Variants in TPMT observed in about 807,000 individuals in gnomAD.
TPMT encodes S-adenosyl-L-methionine:thiopurine S-methyltransferase.
A neutral mutation model predicts 34.2 loss-of-function variants in TPMT; 18 were observed. The observed-to-expected ratio is 0.53, with a 90% CI of 0.36 to 0.78. The LOEUF (loss-of-function observed/expected upper bound fraction) is 0.78, where lower values mean the gene tolerates loss of function less well. TPMT is among the 30% of genes least tolerant of loss of function. The pLI is 0.00. For missense variants in TPMT, 265 were observed against 288.1 expected (o/e 0.92, Z 0.58); for synonymous variants, 69 against 92.4 (o/e 0.75, Z 1.45).
At position 18,130,905 on chromosome 6, in the gene TPMT, G is replaced by A. The variant is rs1296580823; in HGVS notation, c.626-125C>T. The A allele has an allele frequency of 2.9e-5, 20 of 684,732 alleles. No homozygotes were observed. Among genetic ancestry groups the A allele is most frequent in the Admixed American group, 2.8e-4 (13 of 46,666 alleles). The allele number at this position is 684,732 out of a possible 1,614,324, so 42.4% of individuals were successfully genotyped here. A position where few individuals can be genotyped will look rare whatever the true frequency, so the allele number is the denominator to read the frequency against. On this transcript the variant is annotated intron_variant, in intron 8 of 8. Coordinates refer to ENST00000309983, the MANE Select transcript of TPMT (RefSeq NM_000367.5). The surrounding 1 kb of genome is among the most constrained non-coding windows in gnomAD (Gnocchi z 4.2). Reference sequence around the variant, plus strand: ...TGTAATCCCAACACTTTGGGAGGCCGAGGCAGGTGGATCACTTGAGGTCAG... The same window carrying A: ...TGTAATCCCAACACTTTGGGAGGCCAAGGCAGGTGGATCACTTGAGGTCAG...
chr6:18,134,751 G>T (rs1784012140), intron 6 of TPMT, among the ~76,000 whole-genome samples: 1 of 152,226 alleles, frequency 6.6e-6, no homozygotes, highest in South Asian at 2.1e-4. Context: ...ATTGTATGGT[G>T]GTTGGAGCAA....
Position 18,133,816 on chromosome 6 carries a change from T to C in TPMT, c.568A>G (p.Thr190Ala). 6.2e-7 allele frequency: 1 copy of C among 1,603,720 alleles called. No individual in the cohort carries two copies. The change falls in exon 7 of 9, where the codon ACT (threonine) becomes GCT (alanine). Residue 190 changes from threonine to alanine, a missense_variant. By Grantham distance (58) the Thr-to-Ala change is moderately conservative (BLOSUM62 0). Transcript: ENST00000309983. ...CCAACAACTTTACCTGGATGTTTAG[T>C]TGGATCATAAGAAAGAACACACAGG... ...YLLCVLSYDPTKHPGPPFYVP... is the reference protein window; with the variant it reads ...YLLCVLSYDPAKHPGPPFYVP...
At position 18,154,884 on chromosome 6, in the gene TPMT, T is replaced by A. The variant is rs1784454137; in HGVS notation, c.-45+149A>T. ...CTGTCCGACCTCGTTATTCCCAGTT[T>A]CCGCTTCTGCCCTGAACCCCACTTC... is the stretch of plus-strand genomic sequence containing the variant. On this transcript the variant is annotated intron_variant, in intron 1 of 8. Transcript: ENST00000309983. The surrounding 1 kb of genome is among the most constrained non-coding windows in gnomAD (Gnocchi z 4.2). 6.6e-6 allele frequency: 1 copy of A among 152,312 alleles called. No individual in the cohort carries two copies. Among genetic ancestry groups the A allele is most frequent in the Non-Finnish European group, 1.5e-5 (1 of 68,104 alleles). 9.4% of individuals were successfully genotyped at this position (152,312 alleles called of 1,614,324 possible).
intron 2 of TPMT, 27 bp from the exon 3 acceptor site, chr6:18,147,942 AG>A (rs771267655): frequency 6.4e-7 from 1 of 1,574,580 alleles, no homozygotes; most frequent in Admixed American, 1.7e-5. Flanking sequence ...AAAAGGTTTT[AG>A]GACAATTGTA....
chr6:18,131,914 A>G lies in TPMT; in HGVS notation c.625+219T>C, dbSNP rs1221928853. Among the ~76,000 whole-genome samples the G allele has an allele frequency of 1.3e-5, 2 of 152,048 alleles. No individual in the cohort carries two copies. Among genetic ancestry groups the G allele is most frequent in the African/African-American group, 4.8e-5 (2 of 41,414 alleles). ...TGCCTCAGCCTCTCAAATAGTTGGG[A>G]CTACAGGCACATGCCACCACACTGG... On this transcript the variant is annotated intron_variant, in intron 8 of 8. Coordinates refer to ENST00000309983, the MANE Select transcript of TPMT (RefSeq NM_000367.5). This position sits in a 1 kb window ranked among gnomAD's most constrained non-coding sequence, Gnocchi z 4.3.
chr6:18,147,703 AAAAT>A, intron 3 of TPMT, 116 bp downstream of exon 3: 2 of 918,000 alleles, frequency 2.2e-6, no homozygotes, highest in East Asian at 4.9e-5. Flanking sequence ...CACTAATAGA[AAAAT>A]AAGGAATTTC....
rs1246453655 is a variant in TPMT, at chr6:18,145,237, A to G, written c.234-1509T>C. On this transcript the variant is annotated intron_variant, in intron 3 of 8. Transcript: ENST00000309983. The surrounding 1 kb of genome is among the most constrained non-coding windows in gnomAD (Gnocchi z 5.6). ...GGGCACAGCATTTAAAAACTTGGTC[A>G]GTGCCACATTAAAAAACAAAAACAG... Among the ~76,000 whole-genome samples the G allele has an allele frequency of 6.6e-6, 1 of 152,254 alleles. No individual in the cohort carries two copies. Among genetic ancestry groups the G allele is most frequent in the African/African-American group, 2.4e-5 (1 of 41,472 alleles).
intron 1 of TPMT, among the ~76,000 whole-genome samples, chr6:18,151,685 T>C (rs1410176374): frequency 6.6e-6 from 1 of 151,838 alleles, no homozygotes; most frequent in African/African-American, 2.4e-5. Context: ...CTCAAACTTC[T>C]GGGCTCAAGT....
rs114125544 is a variant in TPMT, at chr6:18,132,068, C to A, written c.625+65G>T. 1 of 1,567,038 alleles carries A rather than the reference C, an allele frequency of 6.4e-7. No individual in the cohort carries two copies. The highest frequency in any genetic ancestry group is 8.8e-7 in the Non-Finnish European group (1 of 1,138,570). On this transcript the variant is annotated intron_variant, in intron 8 of 8. Transcript: ENST00000309983. This position sits in a 1 kb window ranked among gnomAD's most constrained non-coding sequence, Gnocchi z 4.8. ...CTGGAAATACAGGCATGAGCCAGCA[C>A]GCCAGGCCCAAAAGAGTTAACTTGA...
Position 18,140,646 on chromosome 6 carries a change from T to C in TPMT, c.367-929A>G, listed in dbSNP as rs892126805. ...CTGCAGTGAGCTGTGATTGTGCCAC[T>C]GCCCTCCAGCCTGTGTGAGAGTAAG... On this transcript the variant is annotated intron_variant, in intron 4 of 8. Coordinates refer to ENST00000309983, the MANE Select transcript of TPMT (RefSeq NM_000367.5). This position sits in a 1 kb window ranked among gnomAD's most constrained non-coding sequence, Gnocchi z 4.7. 6.6e-6 allele frequency among the ~76,000 whole-genome samples: 1 copy of C among 151,804 alleles called. No homozygotes were observed. The highest frequency in any genetic ancestry group is 1.5e-5 in the Non-Finnish European group (1 of 67,980).
chr6:18,140,955 G>T lies in TPMT; in HGVS notation c.367-1238C>A, dbSNP rs934939642. ...CAGGTTTACAAGTAGAGGAGGAAGG[G>T]TCTTTGACAACCAGCCTGGGATCAC... On this transcript the variant is annotated intron_variant, in intron 4 of 8. Transcript: ENST00000309983. This position sits in a 1 kb window ranked among gnomAD's most constrained non-coding sequence, Gnocchi z 4.7. 5.3e-5 allele frequency among the ~76,000 whole-genome samples: 8 copies of T among 152,098 alleles called. No homozygotes were observed.
chr6:18,147,960 G>A, intron 2 of TPMT, 45 bp from the exon 3 acceptor site: 2 of 1,430,106 alleles, frequency 1.4e-6, no homozygotes, highest in Non-Finnish European at 2.0e-6. Context: ...TGTATGGTAG[G>A]TGAACACTTT....
chr6:18,141,339 ATTTTTT>A (rs531739139), intron 4 of TPMT, among the ~76,000 whole-genome samples: 1 of 137,958 alleles, frequency 7.2e-6, no homozygotes, highest in South Asian at 2.3e-4. Context: ...CTGAGCAACA[ATTTTTT>A]TTTTTTTTTT....
At position 18,138,867 on chromosome 6, in the gene TPMT, A is replaced by G. The variant is rs553016495; in HGVS notation, c.494+96T>C. 1.0e-4 allele frequency: 105 copies of G among 1,010,570 alleles called. 2 individuals carry two copies. In the South Asian group the frequency reaches 1.4e-3, roughly 13 times the overall value. 62.6% of individuals were successfully genotyped at this position (1,010,570 alleles called of 1,614,324 possible). A position where few individuals can be genotyped will look rare whatever the true frequency, so the allele number is the denominator to read the frequency against. On this transcript the variant is annotated intron_variant, in intron 6 of 8. Coordinates refer to ENST00000309983, the MANE Select transcript of TPMT (RefSeq NM_000367.5). The surrounding 1 kb of genome is among the most constrained non-coding windows in gnomAD (Gnocchi z 4.1). ...ATTCCAAACATAATAACCTATTTCA[A>G]ACTCATAGAAGTCTAAGCTGATTTT...
rs962646298 is a variant in TPMT at position 18,140,895 on chromosome 6, A to G, written c.367-1178T>C. 6.6e-6 allele frequency among the ~76,000 whole-genome samples: 1 copy of G among 151,826 alleles called. No individual in the cohort carries two copies. The highest frequency in any genetic ancestry group is 2.4e-5 in the African/African-American group (1 of 41,280). ...TAGGAAAGGTGTGTCAGCACACAAG[A>G]CTGCTAGATTTTATTCTGAAATGAG... On this transcript the variant is annotated intron_variant, in intron 4 of 8. Transcript: ENST00000309983. This position sits in a 1 kb window ranked among gnomAD's most constrained non-coding sequence, Gnocchi z 4.7.
Position 18,149,266 on chromosome 6 carries a change from T to C in TPMT, c.-44-95A>G, listed in dbSNP as rs1399775613. 1.0e-5 allele frequency: 11 copies of C among 1,087,812 alleles called. No individual in the cohort carries two copies. The highest frequency in any genetic ancestry group is 1.3e-5 in the Non-Finnish European group (10 of 747,170). The allele number at this position is 1,087,812 out of a possible 1,614,324, so 67.4% of individuals were successfully genotyped here. A position where few individuals can be genotyped will look rare whatever the true frequency, so the allele number is the denominator to read the frequency against. ...CCTATTATTCTTAGCAGTATGACTT[T>C]TTAAAAATATTTCTTTCTTTTTTTA... On this transcript the variant is annotated intron_variant, in intron 1 of 8. Coordinates refer to ENST00000309983, the MANE Select transcript of TPMT (RefSeq NM_000367.5). The surrounding 1 kb of genome is among the most constrained non-coding windows in gnomAD (Gnocchi z 5.0).
chr6:18,149,258 T>C lies in TPMT; in HGVS notation c.-44-87A>G, dbSNP rs1784307247. ...AATGAAAACCTATTATTCTTAGCAG[T>C]ATGACTTTTTAAAAATATTTCTTTC... is the stretch of plus-strand genomic sequence containing the variant. On this transcript the variant is annotated intron_variant, in intron 1 of 8. Coordinates refer to ENST00000309983, the MANE Select transcript of TPMT (RefSeq NM_000367.5). This position sits in a 1 kb window ranked among gnomAD's most constrained non-coding sequence, Gnocchi z 5.0. 3.5e-6 allele frequency: 4 copies of C among 1,153,040 alleles called. No homozygotes were observed. The highest frequency in any genetic ancestry group is 5.0e-6 in the Non-Finnish European group (4 of 799,850). The allele number at this position is 1,153,040 out of a possible 1,614,324, so 71.4% of individuals were successfully genotyped here.
chr6:18,135,844 G>A lies in TPMT; in HGVS notation c.495-1955C>T, dbSNP rs2150710422. ...AGATCATGCCATTGCACTCCAGCCT[G>A]GGCAACAAGAGTGGAACTCCATCTC... On this transcript the variant is annotated intron_variant, in intron 6 of 8. Coordinates refer to ENST00000309983, the MANE Select transcript of TPMT (RefSeq NM_000367.5). This position sits in a 1 kb window ranked among gnomAD's most constrained non-coding sequence, Gnocchi z 5.0. Among the ~76,000 whole-genome samples the A allele has an allele frequency of 6.6e-6, 1 of 152,124 alleles. No homozygotes were observed. Among genetic ancestry groups the A allele is most frequent in the East Asian group, 1.9e-4 (1 of 5,164 alleles).
rs1206394093 is a variant in TPMT at position 18,138,749 on chromosome 6, T to C, written c.494+214A>G. ...CAAGGCCACACAGCTTGAAAGTGAT[T>C]GAGCCACAAGCCTTATAGCCTTACA... On this transcript the variant is annotated intron_variant, in intron 6 of 8. Transcript: ENST00000309983. The surrounding 1 kb of genome is among the most constrained non-coding windows in gnomAD (Gnocchi z 4.1). Among the ~76,000 whole-genome samples, 1 of 152,188 alleles carries C rather than the reference T, an allele frequency of 6.6e-6. No individual in the cohort carries two copies. Among genetic ancestry groups the C allele is most frequent in the Non-Finnish European group, 1.5e-5 (1 of 68,034 alleles).
Sources: gnomAD v4.1 joint callset for allele counts (sites outside exome capture counted in the v4.1 genomes callset) on GRCh38, gnomAD v4.1.1 for gene constraint, Gnocchi (gnomAD v3.1) non-coding constraint, MANE v1.5 for transcripts, NCBI Gene and HGNC (gene_info 2026-07-23, HGNC 2026-07-21) for gene names.